SLTM: variants seen among roughly 807,000 people sequenced by gnomAD.
SLTM encodes the protein SAFB like transcription modulator.
SLTM carries 43 observed loss-of-function variants against 134.6 expected under a neutral mutation model. The ratio of observed to expected loss-of-function variants is 0.32; its 90% CI spans 0.25 to 0.41. SLTM has a LOEUF of 0.41. Among genes scored for constraint, SLTM ranks in the 10% least tolerant of loss-of-function variants. The probability of loss-of-function intolerance (pLI) is 1.00; values close to 1 mark genes in which losing one functional copy is unlikely to be tolerated. For missense variants in SLTM, 1,055 were observed against 1,288.8 expected, an observed-to-expected ratio of 0.82 and a Z score of 2.78; for synonymous variants, 424 against 432.3, an observed-to-expected ratio of 0.98 and a Z score of 0.24.
At chr15:58,925,342 T>C (rs1055679637) in intron 2 of SLTM, among the ~76,000 whole-genome samples, 6 of 152,088 alleles carry the variant, frequency 3.9e-5, no homozygotes, top group African/African-American at 1.4e-4. Context: ...TCTGAGTTTT[T>C]TGTTTCTGTT....
At chr15:58,924,480 AG>A (rs2037324240) in intron 2 of SLTM, among the ~76,000 whole-genome samples, 1 of 152,236 alleles carries the variant, frequency 6.6e-6, no homozygotes, top group Non-Finnish European at 1.5e-5. Flanking sequence ...CTATTTATTA[AG>A]TTAAACCTCC....
At chr15:58,900,765 T>C (rs934634713) in intron 6 of SLTM, 10 of 159,726 alleles carry the variant, frequency 6.3e-5, no homozygotes, top group Non-Finnish European at 6.8e-5. Context: ...GCCCCTGTAA[T>C]TGTATTGAAT....
At chr15:58,886,673 G>C (rs780864103) in intron 19 of SLTM, among the ~76,000 whole-genome samples, 1 of 152,090 alleles carries the variant, frequency 6.6e-6, no homozygotes, top group Non-Finnish European at 1.5e-5. Flanking sequence ...TAAAACCAAA[G>C]TTATCATTAG....
intron 20 of SLTM, chr15:58,883,338 CAAAAG>C (rs2033897096): frequency 1.4e-5 from 4 of 283,218 alleles, no homozygotes; most frequent in Non-Finnish European, 2.7e-5. Flanking sequence ...CAAAACAAAA[CAAAAG>C]AATTCATTGT....
intron 3 of SLTM, among the ~76,000 whole-genome samples, chr15:58,915,117 G>A (rs552364021): frequency 6.6e-6 from 1 of 152,106 alleles, no homozygotes; most frequent in African/African-American, 2.4e-5. Flanking sequence ...CTTGAACCTG[G>A]GAGGTGGAGG....
In SLTM at chr15:58,913,524, A is replaced by G. The variant is rs555212753; in HGVS notation, c.488T>C (p.Ile163Thr). 1.6e-5 allele frequency: 26 copies of G among 1,610,000 alleles called. No homozygotes were observed. The highest frequency in any genetic ancestry group is 6.7e-5 in the Admixed American group (4 of 59,860). The change falls in exon 4 of 21, where the codon ATA (isoleucine) becomes ACA (threonine). Residue 163 changes from isoleucine (I) to threonine (T), a missense_variant. Around this residue, in one of 3 missense-constraint regions of SLTM, gnomAD observed 268 missense variants for 284.3 expected, o/e 0.94. Coordinates refer to ENST00000380516, the MANE Select transcript of SLTM (RefSeq NM_024755.4). Reference protein sequence around the residue: ...ELIEAEGIEDIEKEDIESQEI... With the variant: ...ELIEAEGIEDTEKEDIESQEI... ...CTGACTTTCGATGTCCTCTTTTTCT[A>G]TATCTTCTATTCCTTCTGCCTCTAT...
chr15:58,909,648 A>G lies in SLTM; in HGVS notation c.561+2915T>C, dbSNP rs149098562. 6.4e-3 allele frequency among the ~76,000 whole-genome samples: 979 copies of G among 152,372 alleles called. 7 individuals carry two copies. Among genetic ancestry groups the G allele is most frequent in the Non-Finnish European group, 0.01 (684 of 68,032 alleles). The stretch of plus-strand genomic sequence containing the variant: ...CCAGATATTATGTGCATCCAAATAG[A>G]AGAATACAGTACTACACCTATGAGG... On this transcript the variant is annotated intron_variant, in intron 5 of 20. Coordinates refer to ENST00000380516, the MANE Select transcript of SLTM (RefSeq NM_024755.4).
chr15:58,923,847 T>G (rs923478475), intron 2 of SLTM, among the ~76,000 whole-genome samples: 2 of 148,654 alleles, frequency 1.3e-5, no homozygotes, highest in African/African-American at 5.0e-5. Flanking sequence ...CTCGCTCTTC[T>G]TGCCCAGGCT....
chr15:58,910,124 T>A (rs1469692658), intron 5 of SLTM, among the ~76,000 whole-genome samples: 1 of 152,288 alleles, frequency 6.6e-6, no homozygotes, highest in East Asian at 1.9e-4. Context: ...AAAATAAGAG[T>A]TCTCTTTTAG....
intron 2 of SLTM, among the ~76,000 whole-genome samples, chr15:58,925,425 C>T (rs1396937121): frequency 6.6e-6 from 1 of 152,174 alleles, no homozygotes; most frequent in Non-Finnish European, 1.5e-5. Context: ...GCAACCTCTG[C>T]ATCCTGGGTT....
chr15:58,928,162 C>A (rs575947111), intron 2 of SLTM, among the ~76,000 whole-genome samples: 46 of 152,148 alleles, frequency 3.0e-4, no homozygotes, highest in Non-Finnish European at 6.2e-4. Context: ...GTTCTAAATA[C>A]TGTACTGATT....
chr15:58,920,848 G>T (rs1042192865), intron 2 of SLTM, among the ~76,000 whole-genome samples: 31 of 151,850 alleles, frequency 2.0e-4, no homozygotes, highest in African/African-American at 6.3e-4. Flanking sequence ...CCAGCTACTC[G>T]GGAGGCTGAG....
intron 5 of SLTM, among the ~76,000 whole-genome samples, chr15:58,906,408 C>A (rs2035872522): frequency 6.6e-6 from 1 of 152,144 alleles, no homozygotes; most frequent in Non-Finnish European, 1.5e-5. Context: ...GATGTGCAAT[C>A]CTTAGTCAAA....
At chr15:58,892,868 G>A in intron 14 of SLTM, 29 bp downstream of exon 14, 1 of 1,590,278 alleles carries the variant, frequency 6.3e-7, no homozygotes, top group Admixed American at 1.9e-5. Context: ...TATATTTAAA[G>A]ACAGGTATAA....
intron 2 of SLTM, among the ~76,000 whole-genome samples, chr15:58,923,500 G>A (rs1306250931): frequency 1.3e-5 from 2 of 152,154 alleles, no homozygotes; most frequent in African/African-American, 4.8e-5. Context: ...AATACATCCT[G>A]TCACTACCTC....
chr15:58,907,495 G>A (rs1028372920), intron 5 of SLTM, among the ~76,000 whole-genome samples: 2 of 152,174 alleles, frequency 1.3e-5, no homozygotes. Context: ...GGTGGCGCAC[G>A]CCTGTAGTCC....
At chr15:58,902,308 C>G (rs936328973) in intron 5 of SLTM, among the ~76,000 whole-genome samples, 1 of 151,996 alleles carries the variant, frequency 6.6e-6, no homozygotes, top group African/African-American at 2.4e-5. Flanking sequence ...TGGCCTCAAG[C>G]TGATTCTCCC....
Position 58,932,409 on chromosome 15 carries a change from A to G in SLTM, c.197T>C (p.Ile66Thr). 6.2e-7 allele frequency: 1 copy of G among 1,613,470 alleles called. No homozygotes were observed. Among genetic ancestry groups the G allele is most frequent in the Non-Finnish European group, 8.5e-7 (1 of 1,179,416 alleles). The change falls in exon 2 of 21, where the codon ATT becomes ACT. Residue 66 changes from isoleucine to threonine, a missense_variant. Around this residue, in one of 3 missense-constraint regions of SLTM, gnomAD observed 268 missense variants for 284.3 expected, o/e 0.94. Coordinates refer to ENST00000380516, the MANE Select transcript of SLTM (RefSeq NM_024755.4). ...AGTATCAGTTGAAACAGTTAATTCA[A>G]TATTATCTGGATCGCCTCCTTCCTC... is the stretch of plus-strand genomic sequence containing the variant. ...IEEEGGDPDNIELTVSTDTPN... is the reference protein window; with the variant it reads ...IEEEGGDPDNTELTVSTDTPN...
At chr15:58,882,526 A>T in intron 20 of SLTM, among the ~76,000 whole-genome samples, 1 of 152,224 alleles carries the variant, frequency 6.6e-6, no homozygotes, top group East Asian at 1.9e-4. Flanking sequence ...CAAAATAAAG[A>T]TAAGTGACCG....
Sources: allele counts gnomAD v4.1 joint callset (sites outside exome capture counted in the v4.1 genomes callset), GRCh38; gene constraint gnomAD v4.1.1; regional missense constraint gnomAD v4.1.1; transcripts MANE v1.5; gene names NCBI Gene and HGNC (gene_info 2026-07-23, HGNC 2026-07-21).